The following AMPH variants were observed in gnomAD, a reference collection of about 807,000 sequenced individuals.
AMPH encodes the protein amphiphysin (Stiff-Mann syndrome with breast cancer 128kD autoantigen).
A neutral mutation model predicts 99.1 loss-of-function variants in AMPH; 49 were observed. That is an observed-to-expected ratio of 0.49 (90% CI 0.39 to 0.63). AMPH has a LOEUF of 0.63. Among genes scored for constraint, AMPH ranks in the 20% least tolerant of loss-of-function variants. The pLI, the probability that AMPH is intolerant of heterozygous loss-of-function variation, is 0.00. For missense variants in AMPH, 759 were observed against 863.4 expected (o/e 0.88, Z 1.52); for synonymous variants, 314 against 317.3 (o/e 0.99, Z 0.11).
Position 38,503,724 on chromosome 7 carries a change from AT to A in AMPH, c.151-21del. The A allele has an allele frequency of 6.2e-7, 1 of 1,612,178 alleles. No homozygotes were observed. The highest frequency in any genetic ancestry group is 8.5e-7 in the Non-Finnish European group (1 of 1,178,282). ...CTCTGCCTAAAAAACACAAGCACAG[AT>A]GCTAAATATCTAGTCTATATTCTGC... On this transcript the variant is annotated intron_variant, in intron 2 of 20. Coordinates refer to ENST00000356264, the MANE Select transcript of AMPH (RefSeq NM_001635.4).
At chr7:38,411,479 T>C (rs913339613) in intron 17 of AMPH, among the ~76,000 whole-genome samples, 1 of 152,208 alleles carries the variant, frequency 6.6e-6, no homozygotes, top group African/African-American at 2.4e-5. Context: ...TGTGGAGGGC[T>C]AGCAGGAGGG....
At chr7:38,472,538 T>C (rs576645547) in intron 7 of AMPH, among the ~76,000 whole-genome samples, 1 of 152,316 alleles carries the variant, frequency 6.6e-6, no homozygotes, top group African/African-American at 2.4e-5. Flanking sequence ...TTAGAGGTTA[T>C]ACATGTAAAG....
At position 38,627,387 on chromosome 7, in the gene AMPH, C is replaced by CAAAAAAAAAAAAAA. The variant is rs70977419; in HGVS notation, c.69+3882_69+3895dup. On this transcript the variant is annotated intron_variant, in intron 1 of 20. Coordinates refer to ENST00000356264, the MANE Select transcript of AMPH (RefSeq NM_001635.4). ...CGAAACCCCGTCTCTACTAAAAATA[C>CAAAAAAAAAAAAAA]AAAAAAAAAAAAAATTAGCCGGACG... Among the ~76,000 whole-genome samples the CAAAAAAAAAAAAAA allele has an allele frequency of 3.6e-4, 42 of 116,928 alleles. 1 individual carries two copies. Among genetic ancestry groups the CAAAAAAAAAAAAAA allele is most frequent in the African/African-American group, 1.2e-3 (35 of 28,800 alleles). The allele number at this position is 116,928 out of a possible 152,430, so 76.7% of individuals were successfully genotyped here.
intron 5 of AMPH, among the ~76,000 whole-genome samples, chr7:38,482,979 C>A (rs1470571278): frequency 6.6e-6 from 1 of 152,070 alleles, no homozygotes; most frequent in Non-Finnish European, 1.5e-5. Context: ...TGAATAGCTC[C>A]TTAACCCTTG....
chr7:38,558,004 C>CAAA (rs11423431), intron 1 of AMPH, among the ~76,000 whole-genome samples: 2 of 134,150 alleles, frequency 1.5e-5, no homozygotes, highest in Non-Finnish European at 3.2e-5. Context: ...AGCCCTGTAT[C>CAAA]AAAAAAAAAA....
At chr7:38,623,242 C>T (rs1336194975) in intron 1 of AMPH, among the ~76,000 whole-genome samples, 2 of 152,174 alleles carry the variant, frequency 1.3e-5, no homozygotes, top group Non-Finnish European at 2.9e-5. Context: ...TCAGCTATGA[C>T]AAGTTGTTTG....
intron 1 of AMPH, among the ~76,000 whole-genome samples, chr7:38,614,277 C>G (rs1433019662): frequency 2.6e-5 from 4 of 152,196 alleles, no homozygotes; most frequent in African/African-American, 9.7e-5. Flanking sequence ...CCTGCAATCT[C>G]TGACATATAG....
rs748445401 is a variant in AMPH, at chr7:38,394,062, A to G, written c.1551T>C (p.Thr517=). The G allele has an allele frequency of 7.4e-6, 12 of 1,613,974 alleles. No homozygotes were observed. Among genetic ancestry groups the G allele is most frequent in the Non-Finnish European group, 1.0e-5 (12 of 1,180,010 alleles). Reference sequence around the variant, plus strand: ...CAGGTTGGGCACTCTCTGCACCCTCAGTGGTTTCAGTTCCAATTTTGGCCT... The same window carrying G: ...CAGGTTGGGCACTCTCTGCACCCTCGGTGGTTTCAGTTCCAATTTTGGCCT... ...LEEAKIGTET[T]EGAESAQPEA... Residue 517 remains threonine, a synonymous_variant, in exon 18 of 21, where the codon ACT becomes ACC. Transcript: ENST00000356264.
intron 5 of AMPH, among the ~76,000 whole-genome samples, chr7:38,486,024 ACT>A (rs1311207735): frequency 1.3e-5 from 2 of 151,852 alleles, no homozygotes; most frequent in Non-Finnish European, 2.9e-5. Context: ...AAACAACCTA[ACT>A]CTACATCTCA....
intron 11 of AMPH, among the ~76,000 whole-genome samples, chr7:38,445,103 TTAG>T (rs1562760162): frequency 3.3e-5 from 5 of 149,974 alleles, no homozygotes; most frequent in South Asian, 4.2e-4. Flanking sequence ...TACATATATA[TTAG>T]ATAGATAGAT....
At chr7:38,562,350 A>C (rs1046916114) in intron 1 of AMPH, among the ~76,000 whole-genome samples, 4 of 152,192 alleles carry the variant, frequency 2.6e-5, no homozygotes, top group Admixed American at 1.3e-4. Flanking sequence ...ACTGCTTTAG[A>C]GTTTCCTTTT....
chr7:38,414,245 T>C (rs1488570752), intron 17 of AMPH, among the ~76,000 whole-genome samples: 3 of 152,226 alleles, frequency 2.0e-5, no homozygotes, highest in African/African-American at 7.2e-5. Flanking sequence ...TGGTAAAATT[T>C]TTAAAAAACA....
chr7:38,486,259 T>C (rs1478771386), intron 5 of AMPH, among the ~76,000 whole-genome samples: 2 of 149,894 alleles, frequency 1.3e-5, no homozygotes, highest in African/African-American at 4.9e-5. Context: ...AGGTGATATA[T>C]TACAACTGAT....
At chr7:38,609,341 C>T (rs2129064737) in intron 1 of AMPH, among the ~76,000 whole-genome samples, 1 of 152,258 alleles carries the variant, frequency 6.6e-6, no homozygotes, top group Non-Finnish European at 1.5e-5. Context: ...AATAAAGGCC[C>T]TCGAAGTCAC....
At chr7:38,422,293 C>G in intron 16 of AMPH, 128 bp downstream of exon 16, 5 of 744,102 alleles carry the variant, frequency 6.7e-6, no homozygotes, top group African/African-American at 1.8e-5. Flanking sequence ...CTCCTGTTTT[C>G]TAGAAAAGTA....
chr7:38,445,522 A>C (rs1786743088), intron 11 of AMPH, among the ~76,000 whole-genome samples: 1 of 152,200 alleles, frequency 6.6e-6, no homozygotes, highest in Non-Finnish European at 1.5e-5. Flanking sequence ...TTATCTAATG[A>C]GGGAGTTGTA....
chr7:38,619,701 C>G (rs1241826335), intron 1 of AMPH, among the ~76,000 whole-genome samples: 1 of 152,198 alleles, frequency 6.6e-6, no homozygotes, highest in African/African-American at 2.4e-5. Context: ...AATGGATTCA[C>G]TGTCTATGCT....
In AMPH at chr7:38,390,031, G is replaced by C; in HGVS notation, c.1879-126C>G. 3 of 697,500 alleles carry C rather than the reference G, an allele frequency of 4.3e-6. No homozygotes were observed. The South Asian group carries it at 5.3e-5, about 12-fold the overall frequency. The allele number at this position is 697,500 out of a possible 1,614,324, so 43.2% of individuals were successfully genotyped here. A position where few individuals can be genotyped will look rare whatever the true frequency, so the allele number is the denominator to read the frequency against. ...TTGCCATATCCCAAGGAGGAAGAAG[G>C]CCTCTAAAGCCAGAAGGGAAGTCCT... On this transcript the variant is annotated intron_variant, in intron 19 of 20. Coordinates refer to ENST00000356264, the MANE Select transcript of AMPH (RefSeq NM_001635.4).
At chr7:38,495,623 T>G in intron 3 of AMPH, among the ~76,000 whole-genome samples, 1 of 151,834 alleles carries the variant, frequency 6.6e-6, no homozygotes, top group East Asian at 1.9e-4. Flanking sequence ...TTCTCATCAT[T>G]ATTGTAACAA....
Sources: gnomAD v4.1 joint callset for allele counts (sites outside exome capture counted in the v4.1 genomes callset) on GRCh38, gnomAD v4.1.1 for gene constraint, MANE v1.5 for transcripts, NCBI Gene and HGNC (gene_info 2026-07-23, HGNC 2026-07-21) for gene names.